The following LINGO2 variants were observed in gnomAD, a reference collection of about 807,000 sequenced individuals.
LINGO2 encodes the protein leucine-rich repeat and immunoglobulin-like domain-containing nogo receptor-interacting protein 2.
In LINGO2, 14 loss-of-function variants were observed where a neutral mutation model predicts 30.6. The ratio of observed to expected loss-of-function variants is 0.46; its 90% CI spans 0.30 to 0.72. The LOEUF (loss-of-function observed/expected upper bound fraction) is 0.72. LINGO2 is among the 30% of genes least tolerant of loss of function. The pLI is 0.07. For missense variants in LINGO2, 729 were observed against 751.7 expected (o/e 0.97, Z 0.35); for synonymous variants, 317 against 288.5 (o/e 1.10, Z -1.00).
chr9:28,429,091 C>T lies in LINGO2; in HGVS notation c.-279+46849G>A, dbSNP rs563896958. Among the ~76,000 whole-genome samples the T allele has an allele frequency of 3.3e-5, 5 of 152,262 alleles. No individual in the cohort carries two copies. The East Asian group carries it at 9.6e-4, about 29-fold the overall frequency. On this transcript the variant is annotated intron_variant, in intron 2 of 5. Coordinates refer to ENST00000379992, the Ensembl canonical transcript of LINGO2. ...TCATAGCAGTGAAAAATAGAAACAGCACTATTCTAATAAATCATCTTAACA... is the reference window on the plus strand; with the variant it reads ...TCATAGCAGTGAAAAATAGAAACAGTACTATTCTAATAAATCATCTTAACA...
At chr9:28,708,796 T>TCTATC in the LINGO2 span, among the ~76,000 whole-genome samples, 1 of 150,372 alleles carries the variant, frequency 6.7e-6, no homozygotes, top group African/African-American at 2.5e-5. Context: ...TATCCATCTA[T>TCTATC]TATTGTCTGT....
chr9:29,140,643 G>C, the LINGO2 span, among the ~76,000 whole-genome samples: 1 of 151,666 alleles, frequency 6.6e-6, no homozygotes, highest in Non-Finnish European at 1.5e-5. Flanking sequence ...CCAAGTCTGG[G>C]GAAGGAAACA....
At chr9:27,981,601 A>G (rs1375111646) in intron 5 of LINGO2, among the ~76,000 whole-genome samples, 1 of 150,232 alleles carries the variant, frequency 6.7e-6, no homozygotes, top group African/African-American at 2.4e-5. Context: ...TTCCTATACC[A>G]GCAGTTCAGG....
chr9:29,174,489 GGACTA>G, the LINGO2 span, among the ~76,000 whole-genome samples: 2 of 152,100 alleles, frequency 1.3e-5, no homozygotes, highest in Non-Finnish European at 2.9e-5. Flanking sequence ...CTACGTCCTA[GGACTA>G]GACAGATTTT....
the LINGO2 span, among the ~76,000 whole-genome samples, chr9:28,710,370 G>C: frequency 2.6e-5 from 4 of 151,680 alleles, no homozygotes; most frequent in Non-Finnish European, 5.9e-5. Flanking sequence ...GCAAGTTTAT[G>C]GTATTTTGTT....
In LINGO2 at chr9:27,957,032, C is replaced by T. The variant is rs1450544618; in HGVS notation, c.-35-6326G>A. 3.3e-5 allele frequency among the ~76,000 whole-genome samples: 5 copies of T among 152,144 alleles called. No individual in the cohort carries two copies. In the East Asian group the frequency reaches 9.6e-4, roughly 29 times the overall value. ...ATTGCTTGAGCTGAGGAGTTCGAAGCTGCAGTAAGCTGTGATTGACACTGC... is the reference window on the plus strand; with the variant it reads ...ATTGCTTGAGCTGAGGAGTTCGAAGTTGCAGTAAGCTGTGATTGACACTGC... On this transcript the variant is annotated intron_variant, in intron 5 of 5. Coordinates refer to ENST00000379992, the Ensembl canonical transcript of LINGO2.
intron 4 of LINGO2, among the ~76,000 whole-genome samples, chr9:28,188,793 C>G (rs1220468108): frequency 6.6e-6 from 1 of 152,090 alleles, no homozygotes; most frequent in South Asian, 2.1e-4. Context: ...TGTCATGGGT[C>G]AAAGAGGTCT....
chr9:28,831,215 C>G, the LINGO2 span, among the ~76,000 whole-genome samples: 1 of 152,112 alleles, frequency 6.6e-6, no homozygotes, highest in African/African-American at 2.4e-5. Context: ...GTGTTAATTA[C>G]CAATTTCCTA....
At position 28,327,833 on chromosome 9, in the gene LINGO2, C is replaced by A. The variant is rs368169854; in HGVS notation, c.-245-32467G>T. ...AATAAAAAAAGTCATGTGATATATT[C>A]AATATTCTATCATTAAACGTCTAGT... On this transcript the variant is annotated intron_variant, in intron 3 of 5. Transcript: ENST00000379992. 2.0e-4 allele frequency among the ~76,000 whole-genome samples: 30 copies of A among 151,472 alleles called. No homozygotes were observed. In the East Asian group the frequency reaches 5.4e-3, roughly 27 times the overall value.
At chr9:28,068,337 T>C (rs763550841) in intron 4 of LINGO2, among the ~76,000 whole-genome samples, 32 of 152,144 alleles carry the variant, frequency 2.1e-4, no homozygotes, top group Non-Finnish European at 3.5e-4. Context: ...CATCTTGCTG[T>C]GTGCTCACAA....
chr9:28,033,837 C>G (rs1306071298), intron 4 of LINGO2, among the ~76,000 whole-genome samples: 2 of 152,196 alleles, frequency 1.3e-5, no homozygotes, highest in Non-Finnish European at 2.9e-5. Context: ...CAACCCAAGT[C>G]ATGTATAGTT....
chr9:28,384,538 C>G (rs777136850), intron 2 of LINGO2, among the ~76,000 whole-genome samples: 8 of 151,548 alleles, frequency 5.3e-5, no homozygotes, highest in Non-Finnish European at 1.2e-4. Context: ...CTTTTTCCCA[C>G]TATTTTTAAA....
the LINGO2 span, among the ~76,000 whole-genome samples, chr9:28,764,166 C>T: frequency 6.6e-6 from 1 of 151,386 alleles, no homozygotes; most frequent in Non-Finnish European, 1.5e-5. Context: ...CTTTTTAACT[C>T]TTCTTACAAG....
At chr9:28,846,678 C>T in the LINGO2 span, among the ~76,000 whole-genome samples, 1 of 147,318 alleles carries the variant, frequency 6.8e-6, no homozygotes, top group African/African-American at 2.6e-5. Flanking sequence ...TTGTGCAGCT[C>T]CTGACCCAAC....
the LINGO2 span, among the ~76,000 whole-genome samples, chr9:28,824,446 G>C: frequency 2.0e-5 from 3 of 152,144 alleles, no homozygotes; most frequent in Admixed American, 2.0e-4. Context: ...GCTATCCTGA[G>C]GGACTAGAAA....
At chr9:28,306,302 G>T (rs1429623477) in intron 3 of LINGO2, among the ~76,000 whole-genome samples, 1 of 152,032 alleles carries the variant, frequency 6.6e-6, no homozygotes, top group Non-Finnish European at 1.5e-5. Flanking sequence ...AAGGAAAGAA[G>T]GATGGAAGGG....
chr9:28,225,176 C>T (rs747587557), intron 4 of LINGO2, among the ~76,000 whole-genome samples: 19 of 152,006 alleles, frequency 1.2e-4, no homozygotes, highest in Non-Finnish European at 2.8e-4. Flanking sequence ...GAAAGAAGAG[C>T]AGGAAAGGGG....
chr9:28,306,892 C>A (rs1048923478), intron 3 of LINGO2, among the ~76,000 whole-genome samples: 4 of 152,154 alleles, frequency 2.6e-5, no homozygotes, highest in Non-Finnish European at 5.9e-5. Flanking sequence ...CAAGTTGAAT[C>A]TCTGAATAGA....
chr9:28,603,896 G>A (rs1158762377), intron 1 of LINGO2, among the ~76,000 whole-genome samples: 2 of 151,956 alleles, frequency 1.3e-5, no homozygotes, highest in African/African-American at 4.8e-5. Flanking sequence ...ATTGAGACTC[G>A]TCTGCTTAGA....
Sources: gnomAD v4.1 joint callset for allele counts (sites outside exome capture counted in the v4.1 genomes callset) on GRCh38, gnomAD v4.1.1 for gene constraint, MANE v1.5 for transcripts, NCBI Gene and HGNC (gene_info 2026-07-23, HGNC 2026-07-21) for gene names.